Variants in CADPS2 observed in about 807,000 individuals in gnomAD.
CADPS2 encodes calcium dependent secretion activator 2, also known as calcium-dependent secretion activator 2.
A neutral mutation model predicts 172.5 loss-of-function variants in CADPS2; 93 were observed. That is an observed-to-expected ratio of 0.54 (90% confidence interval 0.46 to 0.64). The LOEUF is 0.64. Ranked by LOEUF, CADPS2 falls within the 30% of genes least tolerant of loss-of-function variation. CADPS2 has a pLI of 0.00. For synonymous variants in CADPS2, 546 were observed against 555.2 expected (o/e 0.98, Z 0.23); for missense variants, 1,420 against 1,565.9 (o/e 0.91, Z 1.57).
At chr7:122,639,491 A>G (rs998192183) in intron 3 of CADPS2, among the ~76,000 whole-genome samples, 1 of 152,132 alleles carries the variant, frequency 6.6e-6, no homozygotes, top group Non-Finnish European at 1.5e-5. Context: ...GTAATCACCC[A>G]TCTAATTCAC....
intron 2 of CADPS2, among the ~76,000 whole-genome samples, chr7:122,706,449 T>C (rs1171096479): frequency 6.9e-6 from 1 of 144,566 alleles, no homozygotes; most frequent in East Asian, 2.0e-4. Flanking sequence ...TATGCTTATA[T>C]ATTCAAGGAA....
intron 17 of CADPS2, among the ~76,000 whole-genome samples, chr7:122,432,279 G>C (rs2050034556): frequency 6.6e-6 from 1 of 152,076 alleles, no homozygotes; most frequent in Non-Finnish European, 1.5e-5. Context: ...AAGTCTCAGT[G>C]AACTCTCCAT....
At chr7:122,525,636 A>G (rs1342198694) in intron 8 of CADPS2, among the ~76,000 whole-genome samples, 2 of 152,192 alleles carry the variant, frequency 1.3e-5, no homozygotes, top group Non-Finnish European at 2.9e-5. Context: ...GGCCTTCTGA[A>G]AAATGCATCA....
At chr7:122,794,820 T>C (rs1796026384) in intron 1 of CADPS2, among the ~76,000 whole-genome samples, 1 of 151,108 alleles carries the variant, frequency 6.6e-6, no homozygotes, top group Non-Finnish European at 1.5e-5. Flanking sequence ...AGAAATTCAC[T>C]CAAAACCATA....
At chr7:122,428,446 T>C (rs998838977) in intron 17 of CADPS2, among the ~76,000 whole-genome samples, 7 of 146,650 alleles carry the variant, frequency 4.8e-5, no homozygotes, top group Non-Finnish European at 8.9e-5. Flanking sequence ...TACATATATA[T>C]ACACACATAT....
chr7:122,512,571 C>T (rs2060078727), intron 9 of CADPS2, among the ~76,000 whole-genome samples: 2 of 151,992 alleles, frequency 1.3e-5, no homozygotes, highest in South Asian at 4.1e-4. Context: ...AGAATCCAAT[C>T]GTAAGCAAAT....
At chr7:122,644,907 A>C (rs1047083037) in intron 3 of CADPS2, among the ~76,000 whole-genome samples, 1 of 152,120 alleles carries the variant, frequency 6.6e-6, no homozygotes, top group Non-Finnish European at 1.5e-5. Flanking sequence ...TTATGCATTA[A>C]AAAATCTGAC....
At chr7:122,480,806 A>C in intron 12 of CADPS2, 46 bp downstream of exon 12, 1 of 1,359,732 alleles carries the variant, frequency 7.4e-7, no homozygotes, top group East Asian at 2.5e-5. Context: ...AGTATCATTA[A>C]AAATTTTTTA....
intron 2 of CADPS2, among the ~76,000 whole-genome samples, chr7:122,694,998 C>A (rs976282655): frequency 1.3e-5 from 2 of 152,156 alleles, no homozygotes; most frequent in Non-Finnish European, 2.9e-5. Context: ...GGGTTTAAAT[C>A]CCATCAGAAA....
intron 1 of CADPS2, among the ~76,000 whole-genome samples, chr7:122,881,483 C>T (rs1020198185): frequency 1.1e-4 from 17 of 152,142 alleles, no homozygotes; most frequent in African/African-American, 3.4e-4. Context: ...TACTTTAATA[C>T]GTGGTTTCCA....
chr7:122,610,835 C>T (rs938466192), intron 6 of CADPS2, among the ~76,000 whole-genome samples: 5 of 152,198 alleles, frequency 3.3e-5, no homozygotes, highest in African/African-American at 1.2e-4. Context: ...AGCTTCCCAA[C>T]AAGTGGTGGT....
chr7:122,727,348 G>A (rs2091213688), intron 2 of CADPS2, among the ~76,000 whole-genome samples: 1 of 151,750 alleles, frequency 6.6e-6, no homozygotes, highest in African/African-American at 2.4e-5. Context: ...AATTGCATGT[G>A]CTTCTTTCTG....
intron 14 of CADPS2, among the ~76,000 whole-genome samples, chr7:122,455,379 C>A (rs1037119992): frequency 1.3e-5 from 2 of 151,660 alleles, no homozygotes; most frequent in Admixed American, 6.6e-5. Flanking sequence ...TTCCCATAGA[C>A]CTTTCTATTT....
chr7:122,850,843 T>C (rs1002118700), intron 1 of CADPS2, among the ~76,000 whole-genome samples: 1 of 152,218 alleles, frequency 6.6e-6, no homozygotes. Context: ...ATTGTCCCTG[T>C]GGCTAACACC....
At chr7:122,619,286 A>T (rs2471216) in intron 5 of CADPS2, among the ~76,000 whole-genome samples, 115,004 of 151,854 alleles carry the variant, frequency 0.76, 43,810 homozygotes, top group Middle Eastern at 0.91. Flanking sequence ...TAGATTTGTA[A>T]ATTATAAAAG....
intron 3 of CADPS2, among the ~76,000 whole-genome samples, chr7:122,642,471 G>C (rs1373794215): frequency 1.3e-5 from 2 of 151,706 alleles, no homozygotes; most frequent in African/African-American, 4.8e-5. Context: ...CTGGAAGCCT[G>C]TGCTGGCAGC....
In CADPS2 at chr7:122,827,142, GAAC is replaced by G. The variant is rs1361174524; in HGVS notation, c.339+58854_339+58856del. Among the ~76,000 whole-genome samples, 9 of 152,194 alleles carry G rather than the reference GAAC, an allele frequency of 5.9e-5. No individual in the cohort carries two copies. The East Asian group carries it at 1.7e-3, about 29-fold the overall frequency. On this transcript the variant is annotated intron_variant, in intron 1 of 29. Transcript: ENST00000449022. ...CCAGTAAAATATGAGAGACTACTAT[GAAC>G]AACTTGATGCTCAAAAATATGACAG...
chr7:122,479,297 C>T (rs372626483), intron 12 of CADPS2, among the ~76,000 whole-genome samples: 19 of 152,180 alleles, frequency 1.2e-4, no homozygotes, highest in African/African-American at 4.6e-4. Flanking sequence ...GCTGCATTTA[C>T]CACTACTCAC....
chr7:122,879,783 T>C (rs1822373294), intron 1 of CADPS2, among the ~76,000 whole-genome samples: 1 of 152,096 alleles, frequency 6.6e-6, no homozygotes, highest in Non-Finnish European at 1.5e-5. Flanking sequence ...TACAAAGTGG[T>C]ATAAAAGTTT....
Sources: allele counts gnomAD v4.1 joint callset (sites outside exome capture counted in the v4.1 genomes callset), GRCh38; gene constraint gnomAD v4.1.1; transcripts MANE v1.5; gene names NCBI Gene and HGNC (gene_info 2026-07-23, HGNC 2026-07-21).